The following SBNO1 variants were observed in gnomAD, a reference collection of about 807,000 sequenced individuals.
SBNO1 encodes protein strawberry notch homolog 1.
Under a neutral mutation model 173.6 loss-of-function variants are expected in SBNO1, and 23 were observed. The ratio of observed to expected loss-of-function variants is 0.13; its 90% CI spans 0.10 to 0.19. The LOEUF (loss-of-function observed/expected upper bound fraction) is 0.19, where lower values mean the gene tolerates loss of function less well. Among genes scored for constraint, SBNO1 ranks in the 10% least tolerant of loss-of-function variants. SBNO1 has a pLI of 1.00. For synonymous variants in SBNO1, 632 were observed against 571.5 expected, an observed-to-expected ratio of 1.11 and a Z score of -1.51; for missense variants, 1,238 against 1,671.2, an observed-to-expected ratio of 0.74 and a Z score of 4.52.
At chr12:123,362,435 CAAAAAAAAAAAAAAA>C (rs56019572) in intron 1 of SBNO1, among the ~76,000 whole-genome samples, 14 of 49,738 alleles carry the variant, frequency 2.8e-4, no homozygotes, top group Admixed American at 3.6e-4. Context: ...GACTCCGTCT[CAAAAAAAAAAAAAAA>C]AAAAAAAAAA....
intron 1 of SBNO1, among the ~76,000 whole-genome samples, chr12:123,357,680 G>A (rs1303747430): frequency 1.3e-5 from 2 of 151,890 alleles, no homozygotes; most frequent in Non-Finnish European, 1.5e-5. Context: ...GCTTGAACCC[G>A]GAAAGTGGAG....
At position 123,330,410 on chromosome 12, in the gene SBNO1, A is replaced by G; in HGVS notation, c.1134+9T>C. On this transcript the variant is annotated intron_variant, in intron 9 of 31. Coordinates refer to ENST00000602398, the MANE Select transcript of SBNO1 (RefSeq NM_001167856.3). ...ATTGAATGACCAACTGAATAAAAAG[A>G]TTTCATACCTTATTTAACGAATGAA... 1.4e-6 allele frequency: 2 copies of G among 1,456,208 alleles called. No homozygotes were observed. The highest frequency in any genetic ancestry group is 1.9e-6 in the Non-Finnish European group (2 of 1,044,116). 90.2% of individuals were successfully genotyped at this position (1,456,208 alleles called of 1,614,324 possible).
intron 15 of SBNO1, among the ~76,000 whole-genome samples, chr12:123,324,858 G>C (rs767063811): frequency 1.3e-5 from 2 of 151,830 alleles, no homozygotes. Flanking sequence ...GAGGGGAGTG[G>C]AGTGGAGTGG....
At position 123,328,895 on chromosome 12, in the gene SBNO1, A is replaced by T; in HGVS notation, c.1135T>A (p.Phe379Ile). Reference sequence around the variant, plus strand: ...TTGGAAGAAATTTTTCCGTATTTAAACTAAAAAAGAAAAGAAAAGAATTTA... The same window carrying T: ...TTGGAAGAAATTTTTCCGTATTTAATCTAAAAAAGAAAAGAAAAGAATTTA... Reference protein sequence around the residue: ...KNILVHSLNKFKYGKISSKHN... With the variant: ...KNILVHSLNKIKYGKISSKHN... The change falls in exon 10 of 32, where the codon TTT becomes ATT. Residue 379 changes from phenylalanine (F) to isoleucine (I), a missense_variant and splice_region_variant. This residue lies in a region of SBNO1 where 56 missense variants were observed against 65.1 expected (regional missense o/e 0.86). Transcript: ENST00000602398. The T allele has an allele frequency of 6.6e-7, 1 of 1,509,026 alleles. No individual in the cohort carries two copies. The highest frequency in any genetic ancestry group is 1.2e-5 in the South Asian group (1 of 81,404). The allele number at this position is 1,509,026 out of a possible 1,614,324, so 93.5% of individuals were successfully genotyped here. A position where few individuals can be genotyped will look rare whatever the true frequency, so the allele number is the denominator to read the frequency against.
chr12:123,327,362 A>T (rs1001007406), intron 13 of SBNO1, 64 bp downstream of exon 13: 1 of 1,444,504 alleles, frequency 6.9e-7, no homozygotes, highest in African/African-American at 1.4e-5. Context: ...CGCAATCGCC[A>T]AAACTAACAG....
chr12:123,356,656 C>T (rs752955977), intron 1 of SBNO1, among the ~76,000 whole-genome samples: 54 of 152,194 alleles, frequency 3.5e-4, no homozygotes, highest in Non-Finnish European at 6.5e-4. Context: ...GTTGGCAAGG[C>T]TGTTCTCAAA....
In SBNO1 at chr12:123,289,816, G is replaced by A. The variant is rs1273472163; in HGVS notation, c.*6092C>T. The A allele has an allele frequency of 6.6e-6, 1 of 152,250 alleles. No homozygotes were observed. The highest frequency in any genetic ancestry group is 1.5e-5 in the Non-Finnish European group (1 of 68,052). The allele number at this position is 152,250 out of a possible 1,614,324, so 9.4% of individuals were successfully genotyped here. A position where few individuals can be genotyped will look rare whatever the true frequency, so the allele number is the denominator to read the frequency against. On this transcript the variant is annotated 3_prime_UTR_variant, in exon 32 of 32. Transcript: ENST00000602398. ...AAAAGCTCTCTCTGCCCCATAAAGT[G>A]GGAGTCAGAAAGAGGGCTCAAGCTT...
At chr12:123,336,037 A>G (rs1871798121) in intron 6 of SBNO1, among the ~76,000 whole-genome samples, 1 of 152,156 alleles carries the variant, frequency 6.6e-6, no homozygotes, top group Non-Finnish European at 1.5e-5. Context: ...TTAAAAACCT[A>G]ATTTTCGACT....
rs968588969 is a variant in SBNO1, at chr12:123,364,417, G to A, written c.-1+284C>T. Reference sequence around the variant, plus strand: ...GTCCAAGAGGGGTGCCTCCGGCCCGGGACAGCGGGGCTCCCGGAGCCCGAA... The same window carrying A: ...GTCCAAGAGGGGTGCCTCCGGCCCGAGACAGCGGGGCTCCCGGAGCCCGAA... On this transcript the variant is annotated intron_variant, in intron 1 of 31. Coordinates refer to ENST00000602398, the MANE Select transcript of SBNO1 (RefSeq NM_001167856.3). 9.1e-6 allele frequency: 9 copies of A among 985,500 alleles called. No homozygotes were observed. In the East Asian group the frequency reaches 4.6e-4, roughly 50 times the overall value. 61.0% of individuals were successfully genotyped at this position (985,500 alleles called of 1,614,324 possible).
At chr12:123,364,043 G>GTAAT (rs960828652) in intron 1 of SBNO1, 2 of 985,416 alleles carry the variant, frequency 2.0e-6, no homozygotes, top group African/African-American at 3.5e-5. Context: ...CCCTCCATGG[G>GTAAT]TAATTCTTAG....
chr12:123,334,242 T>C, intron 6 of SBNO1, 29 bp from the exon 7 acceptor site: 1 of 1,318,102 alleles, frequency 7.6e-7, no homozygotes, highest in Admixed American at 2.3e-5. Context: ...ACATTTTATT[T>C]TAATTATTCT....
At position 123,295,289 on chromosome 12, in the gene SBNO1, TTC is replaced by T. The variant is rs1032021346; in HGVS notation, c.*617_*618del. The T allele has an allele frequency of 6.6e-6, 1 of 152,336 alleles. No individual in the cohort carries two copies. Among genetic ancestry groups the T allele is most frequent in the South Asian group, 2.1e-4 (1 of 4,824 alleles). The allele number at this position is 152,336 out of a possible 1,614,324, so 9.4% of individuals were successfully genotyped here. ...CCAATGCTGTACATCTAACAAATGT[TTC>T]TCTCTGTTACTCGACTCCTGTGTTA... On this transcript the variant is annotated 3_prime_UTR_variant, in exon 32 of 32. Transcript: ENST00000602398.
Position 123,350,457 on chromosome 12 carries a change from T to C in SBNO1, c.1-16A>G. ...GCTCCACCATCTTTAAAGGGAAATA[T>C]TAAATATTAACATAAAAAACAAAAA... On this transcript the variant is annotated splice_polypyrimidine_tract_variant and intron_variant, in intron 1 of 31. Coordinates refer to ENST00000602398, the MANE Select transcript of SBNO1 (RefSeq NM_001167856.3). The C allele has an allele frequency of 6.2e-7, 1 of 1,605,716 alleles. No homozygotes were observed. The highest frequency in any genetic ancestry group is 8.5e-7 in the Non-Finnish European group (1 of 1,172,918).
intron 1 of SBNO1, among the ~76,000 whole-genome samples, chr12:123,351,867 C>T (rs1274560168): frequency 6.6e-6 from 1 of 151,744 alleles, no homozygotes; most frequent in Non-Finnish European, 1.5e-5. Context: ...TGAAGCACGT[C>T]AGAGAAAAAG....
chr12:123,348,201 T>A (rs866721050), intron 2 of SBNO1, 68 bp from the exon 3 acceptor site: 1 of 767,702 alleles, frequency 1.3e-6, no homozygotes. Flanking sequence ...AGGACAAGGT[T>A]TGCATTTATT....
chr12:123,320,396 G>T, intron 19 of SBNO1, 36 bp downstream of exon 19: 1 of 1,569,202 alleles, frequency 6.4e-7, no homozygotes, highest in Non-Finnish European at 8.7e-7. Flanking sequence ...GGGTTCAAAT[G>T]GCAAAAATGT....
intron 5 of SBNO1, among the ~76,000 whole-genome samples, chr12:123,340,357 G>C (rs1872384569): frequency 6.6e-6 from 1 of 152,068 alleles, no homozygotes; most frequent in South Asian, 2.1e-4. Flanking sequence ...GAGGCGGGCA[G>C]ATTACCTGAG....
At chr12:123,347,950 AATC>A in intron 3 of SBNO1, 76 bp downstream of exon 3, 1 of 827,426 alleles carries the variant, frequency 1.2e-6, no homozygotes, top group Non-Finnish European at 2.0e-6. Flanking sequence ...TACAGGTGCG[AATC>A]ACCACACCCG....
At chr12:123,343,695 G>A (rs1375685765) in intron 4 of SBNO1, among the ~76,000 whole-genome samples, 1 of 151,988 alleles carries the variant, frequency 6.6e-6, no homozygotes, top group Non-Finnish European at 1.5e-5. Flanking sequence ...CCATCATCAT[G>A]CCCAGCTAAT....
Sources: allele counts gnomAD v4.1 joint callset (sites outside exome capture counted in the v4.1 genomes callset), GRCh38; gene constraint gnomAD v4.1.1; regional missense constraint gnomAD v4.1.1; transcripts MANE v1.5; gene names NCBI Gene and HGNC (gene_info 2026-07-23, HGNC 2026-07-21).